Variants in CCSER1 observed in about 807,000 individuals in gnomAD.
The protein encoded by CCSER1 is serine-rich coiled-coil domain-containing protein 1.
Under a neutral mutation model 82.0 loss-of-function variants are expected in CCSER1, and 41 were observed. The observed-to-expected ratio is 0.50, with a 90% CI of 0.39 to 0.65. The LOEUF is 0.65. CCSER1 is among the 30% of genes least tolerant of loss of function. The pLI is 0.00. For synonymous variants in CCSER1, 414 were observed against 383.9 expected (o/e 1.08, Z -0.92); for missense variants, 1,119 against 1,064.2 (o/e 1.05, Z -0.72).
intron 5 of CCSER1, among the ~76,000 whole-genome samples, chr4:90,472,903 G>A (rs946565853): frequency 1.3e-5 from 2 of 152,094 alleles, no homozygotes; most frequent in South Asian, 2.1e-4. Context: ...TTTCAGCAAC[G>A]TGGATGGAGC....
intron 10 of CCSER1, among the ~76,000 whole-genome samples, chr4:91,133,201 C>A (rs1343896808): frequency 6.6e-6 from 1 of 152,146 alleles, no homozygotes; most frequent in African/African-American, 2.4e-5. Flanking sequence ...TTCTTCCCTT[C>A]CCTTCTCTTC....
chr4:90,880,599 C>T (rs1304761792), intron 8 of CCSER1, among the ~76,000 whole-genome samples: 1 of 152,174 alleles, frequency 6.6e-6, no homozygotes, highest in Non-Finnish European at 1.5e-5. Flanking sequence ...CCCTTGGAGG[C>T]TCTGTCCAGG....
chr4:91,247,688 C>T (rs1414605208), intron 10 of CCSER1, among the ~76,000 whole-genome samples: 1 of 151,800 alleles, frequency 6.6e-6, no homozygotes, highest in Non-Finnish European at 1.5e-5. Context: ...GCCAACATGG[C>T]GAAACCCTGT....
chr4:90,808,200 T>A lies in CCSER1; in HGVS notation c.2011-7562T>A, dbSNP rs557792419. Among the ~76,000 whole-genome samples, 19 of 152,228 alleles carry A rather than the reference T, an allele frequency of 1.2e-4. No homozygotes were observed. In the South Asian group the frequency reaches 3.9e-3, roughly 32 times the overall value. On this transcript the variant is annotated intron_variant, in intron 7 of 10. Coordinates refer to ENST00000509176, the MANE Select transcript of CCSER1 (RefSeq NM_001145065.2). ...AATTGGATAGCCAGATGTAGAAGAATGAAACTGGATCCCTATTCTCACCAT... is the reference window on the plus strand; with the variant it reads ...AATTGGATAGCCAGATGTAGAAGAAAGAAACTGGATCCCTATTCTCACCAT...
chr4:90,271,856 ATATATATTTTT>A (rs1461122790), intron 1 of CCSER1, among the ~76,000 whole-genome samples: 25 of 26,060 alleles, frequency 9.6e-4, no homozygotes, highest in Non-Finnish European at 1.1e-3. Context: ...ATATATATAT[ATATATATTTTT>A]TTTTTTTTTT....
intron 10 of CCSER1, among the ~76,000 whole-genome samples, chr4:91,377,079 T>A (rs1750472778): frequency 6.6e-6 from 1 of 152,190 alleles, no homozygotes; most frequent in South Asian, 2.1e-4. Flanking sequence ...GGACATGAAC[T>A]CATCATTTTT....
intron 10 of CCSER1, among the ~76,000 whole-genome samples, chr4:91,397,328 T>C (rs1487871408): frequency 6.6e-6 from 1 of 152,092 alleles, no homozygotes; most frequent in Admixed American, 6.6e-5. Flanking sequence ...TGTATAAGGA[T>C]ACATTCCATA....
chr4:90,308,716 C>A lies in CCSER1; in HGVS notation c.432C>A (p.Asn144Lys), dbSNP rs752722587. ...DFEREKEHST[N>K]KNVFINCLSS... ...AAAGGGAAAAAGAGCACTCAACTAA[C>A]AAGAATGTCTTTATAAATTGTCTAA... Residue 144 changes from asparagine to lysine, a missense_variant, in exon 2 of 11, where the codon AAC (asparagine) becomes AAA (lysine). Physicochemically the swap from Asn to Lys is moderately conservative, Grantham distance 94 (BLOSUM62 0). Transcript: ENST00000509176. The A allele has an allele frequency of 4.3e-6, 7 of 1,613,466 alleles. No individual in the cohort carries two copies. Among genetic ancestry groups the A allele is most frequent in the Non-Finnish European group, 5.9e-6 (7 of 1,179,740 alleles).
At chr4:90,393,469 A>G (rs991158710) in intron 3 of CCSER1, among the ~76,000 whole-genome samples, 1 of 152,314 alleles carries the variant, frequency 6.6e-6, no homozygotes, top group Middle Eastern at 3.4e-3. Context: ...TAAACGTCTT[A>G]TTAATTTAAA....
At chr4:90,468,404 C>T (rs769062697) in intron 5 of CCSER1, 50 bp downstream of exon 5, 19 of 1,502,818 alleles carry the variant, frequency 1.3e-5, no homozygotes, top group Admixed American at 3.9e-5. Context: ...AATTAGATAA[C>T]TGATAAGAAA....
At chr4:90,671,043 C>T (rs961505336) in intron 6 of CCSER1, among the ~76,000 whole-genome samples, 2 of 152,012 alleles carry the variant, frequency 1.3e-5, no homozygotes, top group Non-Finnish European at 2.9e-5. Context: ...GTCTAAGAAA[C>T]CATGTACATA....
intron 1 of CCSER1, among the ~76,000 whole-genome samples, chr4:90,277,403 A>C (rs1728035782): frequency 6.6e-6 from 1 of 152,214 alleles, no homozygotes; most frequent in Non-Finnish European, 1.5e-5. Context: ...ACCTGTCTTC[A>C]AACTATACTA....
chr4:91,220,760 A>G (rs116019875), intron 10 of CCSER1, among the ~76,000 whole-genome samples: 2,424 of 152,088 alleles, frequency 0.016, 58 homozygotes, highest in African/African-American at 0.054. Context: ...ACACTTACTG[A>G]AAAAAAAGGA....
chr4:90,867,297 G>A lies in CCSER1; in HGVS notation c.2094+51452G>A, dbSNP rs115805135. ...AACAACAGCTCCACACAGCTTCTCA[G>A]AAGGGAATAAAGAAGCCAAATTAAA... On this transcript the variant is annotated intron_variant, in intron 8 of 10. Coordinates refer to ENST00000509176, the MANE Select transcript of CCSER1 (RefSeq NM_001145065.2). Among the ~76,000 whole-genome samples, 1,439 of 152,098 alleles carry A rather than the reference G, an allele frequency of 9.5e-3. 26 individuals carry two copies. Among genetic ancestry groups the A allele is most frequent in the African/African-American group, 0.033 (1,374 of 41,528 alleles).
chr4:90,608,388 A>G (rs1473808349), intron 5 of CCSER1, among the ~76,000 whole-genome samples: 1 of 152,144 alleles, frequency 6.6e-6, no homozygotes, highest in African/African-American at 2.4e-5. Context: ...ACCTTCTCCT[A>G]AAGGGTCCTC....
chr4:90,318,396 T>C (rs1736544965), intron 3 of CCSER1, among the ~76,000 whole-genome samples: 1 of 152,226 alleles, frequency 6.6e-6, no homozygotes, highest in Admixed American at 6.5e-5. Flanking sequence ...CCTGTACTAT[T>C]TGTGCTAAGT....
chr4:90,595,922 CTT>C (rs1194030944), intron 5 of CCSER1, among the ~76,000 whole-genome samples: 1 of 151,840 alleles, frequency 6.6e-6, no homozygotes, highest in Non-Finnish European at 1.5e-5. Flanking sequence ...AGAAAAACCT[CTT>C]ATATAAAGAC....
chr4:91,554,388 T>C (rs1266432349), intron 10 of CCSER1, among the ~76,000 whole-genome samples: 2 of 151,156 alleles, frequency 1.3e-5, no homozygotes, highest in Non-Finnish European at 3.0e-5. Flanking sequence ...GTATGTTCAT[T>C]ATAACCTTTT....
intron 10 of CCSER1, among the ~76,000 whole-genome samples, chr4:91,531,782 T>C (rs1432881131): frequency 6.6e-6 from 1 of 152,186 alleles, no homozygotes; most frequent in South Asian, 2.1e-4. Context: ...CACACACCTC[T>C]TGCATAAGGA....
Sources: allele counts gnomAD v4.1 joint callset (sites outside exome capture counted in the v4.1 genomes callset), GRCh38; gene constraint gnomAD v4.1.1; transcripts MANE v1.5; gene names NCBI Gene and HGNC (gene_info 2026-07-23, HGNC 2026-07-21).